Variants in TGFBR2 observed in about 807,000 individuals in gnomAD.
TGFBR2 encodes TGF-beta receptor type-2.
In TGFBR2, 18 loss-of-function variants were observed where a neutral mutation model predicts 49.0. The observed-to-expected ratio is 0.37, with a 90% CI of 0.25 to 0.54. The LOEUF is 0.54. Among genes scored for constraint, TGFBR2 ranks in the 20% least tolerant of loss-of-function variants. TGFBR2 has a pLI of 0.85. For synonymous variants in TGFBR2, 282 were observed against 275.9 expected (o/e 1.02, Z -0.22); for missense variants, 525 against 722.6 (o/e 0.73, Z 3.13).
chr3:30,638,640 A>T (rs1698587513), intron 1 of TGFBR2, among the ~76,000 whole-genome samples: 1 of 152,252 alleles, frequency 6.6e-6, no homozygotes, highest in African/African-American at 2.4e-5. Flanking sequence ...TTCAGCAAAA[A>T]GAACTATTCC....
At chr3:30,614,115 C>CTTTTTTTTTTT (rs5847643) in intron 1 of TGFBR2, among the ~76,000 whole-genome samples, 2 of 120,632 alleles carry the variant, frequency 1.7e-5, no homozygotes, top group Non-Finnish European at 3.3e-5. Flanking sequence ...TTTTTCTTTC[C>CTTTTTTTTTTT]TTTTTTTTTT....
intron 5 of TGFBR2, among the ~76,000 whole-genome samples, chr3:30,675,047 A>T (rs1454619256): frequency 6.6e-6 from 1 of 152,324 alleles, no homozygotes; most frequent in East Asian, 1.9e-4. Context: ...CTGGGGTGCC[A>T]GGGTGAGGCT....
At chr3:30,674,022 C>G in intron 4 of TGFBR2, 83 bp from the exon 5 acceptor site, 1 of 1,561,434 alleles carries the variant, frequency 6.4e-7, no homozygotes, top group Admixed American at 1.7e-5. Flanking sequence ...CTGCACGTGT[C>G]AGGGGCCACC....
intron 1 of TGFBR2, among the ~76,000 whole-genome samples, chr3:30,614,518 C>T (rs906913494): frequency 8.5e-5 from 13 of 152,262 alleles, no homozygotes; most frequent in African/African-American, 2.4e-4. Context: ...CTACCTGTCA[C>T]GCCCAAATCC....
intron 2 of TGFBR2, 49 bp downstream of exon 2, chr3:30,644,964 A>G: frequency 2.0e-6 from 3 of 1,537,592 alleles, no homozygotes; most frequent in Non-Finnish European, 2.7e-6. Context: ...CTTTTTACAT[A>G]ATGTATTCTC....
At chr3:30,668,101 T>C (rs965937807) in intron 3 of TGFBR2, among the ~76,000 whole-genome samples, 6 of 152,234 alleles carry the variant, frequency 3.9e-5, no homozygotes, top group African/African-American at 1.4e-4. Flanking sequence ...AAGCAGGCCA[T>C]GGACTTCTGA....
At chr3:30,652,747 G>A (rs1316304210) in intron 3 of TGFBR2, among the ~76,000 whole-genome samples, 1 of 152,268 alleles carries the variant, frequency 6.6e-6, no homozygotes, top group African/African-American at 2.4e-5. Flanking sequence ...CTCTCCTTCT[G>A]TATACCAGCT....
chr3:30,616,659 TCATTGAAGTTGAGTTAGAAAATCTTTAG>T (rs1698139007), intron 1 of TGFBR2, among the ~76,000 whole-genome samples: 3 of 152,180 alleles, frequency 2.0e-5, no homozygotes, highest in Admixed American at 1.3e-4. Context: ...GTAGAATAAA[TCATTGAAGTTGAGTTAGAAAATCTTTAG>T]CTAATCAAAA....
At chr3:30,657,229 G>A (rs1699019949) in intron 3 of TGFBR2, among the ~76,000 whole-genome samples, 1 of 152,156 alleles carries the variant, frequency 6.6e-6, no homozygotes, top group Non-Finnish European at 1.5e-5. Flanking sequence ...TTTTTTATCA[G>A]TCTTAACCCA....
intron 3 of TGFBR2, among the ~76,000 whole-genome samples, chr3:30,652,319 C>G (rs886682221): frequency 7.0e-6 from 1 of 143,678 alleles, no homozygotes; most frequent in Admixed American, 7.2e-5. Context: ...ACTGCAACCT[C>G]TGCCTCCCAG....
chr3:30,679,717 G>T (rs746878701), intron 5 of TGFBR2, among the ~76,000 whole-genome samples: 1 of 152,236 alleles, frequency 6.6e-6, no homozygotes, highest in Admixed American at 6.5e-5. Context: ...GAAGGCTCAG[G>T]AAGTGCGAAA....
chr3:30,650,180 A>G (rs929308260), intron 2 of TGFBR2, 90 bp from the exon 3 acceptor site: 6 of 1,309,276 alleles, frequency 4.6e-6, no homozygotes, highest in African/African-American at 1.5e-5. Flanking sequence ...AGTATTCCAG[A>G]TTGCCTTTCT....
intron 3 of TGFBR2, among the ~76,000 whole-genome samples, chr3:30,663,972 C>CT (rs67096315): frequency 0.41 from 52,232 of 126,040 alleles, 11,918 homozygotes; most frequent in Non-Finnish European, 0.51. Context: ...AGAGGGCTAA[C>CT]TTTTTTGGGG....
chr3:30,616,492 G>T (rs1025807710), intron 1 of TGFBR2, among the ~76,000 whole-genome samples: 2 of 152,178 alleles, frequency 1.3e-5, no homozygotes, highest in African/African-American at 4.8e-5. Context: ...AAGGTATGTT[G>T]TACCAGGAAT....
intron 2 of TGFBR2, among the ~76,000 whole-genome samples, chr3:30,647,582 TCA>T (rs1698768114): frequency 6.6e-6 from 1 of 152,142 alleles, no homozygotes; most frequent in African/African-American, 2.4e-5. Context: ...ATTCATTCAT[TCA>T]TTCATTTAAC....
In TGFBR2 at chr3:30,635,704, C is replaced by G. The variant is rs535182201; in HGVS notation, c.95-9043C>G. The stretch of plus-strand genomic sequence containing the variant: ...TCATTGGATGAATTCATTTGAGACA[C>G]AAGTAATCATTCCTTAATCCCTTAA... On this transcript the variant is annotated intron_variant, in intron 1 of 6. Transcript: ENST00000295754. Among the ~76,000 whole-genome samples the G allele has an allele frequency of 9.2e-5, 14 of 152,270 alleles. No individual in the cohort carries two copies. The South Asian group carries it at 2.3e-3, about 25-fold the overall frequency.
At chr3:30,643,892 GGTAATAGCAA>G (rs1698684586) in intron 1 of TGFBR2, among the ~76,000 whole-genome samples, 1 of 152,162 alleles carries the variant, frequency 6.6e-6, no homozygotes, top group Non-Finnish European at 1.5e-5. Context: ...GCTAAACAAA[GGTAATAGCAA>G]GTGAAAGGCC....
Position 30,676,741 on chromosome 3 carries a change from C to T in TGFBR2, c.1396+2495C>T, listed in dbSNP as rs2125441704. ...TGGGTCCGGGTCACCCCCTCCCATC[C>T]TGCACCCTGCTGAACCTCACATGTT... On this transcript the variant is annotated intron_variant, in intron 5 of 6. Transcript: ENST00000295754. This position sits in a 1 kb window ranked among gnomAD's most constrained non-coding sequence, Gnocchi z 4.3. Among the ~76,000 whole-genome samples the T allele has an allele frequency of 6.6e-6, 1 of 152,364 alleles. No homozygotes were observed. The highest frequency in any genetic ancestry group is 3.4e-3 in the Middle Eastern group (1 of 294).
intron 1 of TGFBR2, among the ~76,000 whole-genome samples, chr3:30,641,364 T>C (rs1303778393): frequency 2.0e-5 from 3 of 152,174 alleles, no homozygotes; most frequent in Non-Finnish European, 4.4e-5. Context: ...CCTGAGGACC[T>C]ATATCATATA....
Sources: allele counts gnomAD v4.1 joint callset (sites outside exome capture counted in the v4.1 genomes callset), GRCh38; gene constraint gnomAD v4.1.1; non-coding constraint Gnocchi (gnomAD v3.1); transcripts MANE v1.5; gene names NCBI Gene and HGNC (gene_info 2026-07-23, HGNC 2026-07-21).